The following KIF1B variants were observed in gnomAD, a reference collection of about 807,000 sequenced individuals.
KIF1B encodes kinesin family member 1B.
KIF1B carries 76 observed loss-of-function variants against 241.9 expected under a neutral mutation model. The ratio of observed to expected loss-of-function variants is 0.31; its 90% CI spans 0.26 to 0.38. KIF1B has a LOEUF of 0.38. Among genes scored for constraint, KIF1B ranks in the 10% least tolerant of loss-of-function variants. KIF1B has a pLI of 1.00. For missense variants in KIF1B, 1,622 were observed against 2,271.4 expected, an observed-to-expected ratio of 0.71 and a Z score of 5.81; for synonymous variants, 750 against 796.7, an observed-to-expected ratio of 0.94 and a Z score of 0.99.
intron 2 of KIF1B, among the ~76,000 whole-genome samples, chr1:10,240,104 GTATTGGCCAGGCTGGTCTTGA>G (rs1222370082): frequency 6.6e-6 from 1 of 152,054 alleles, no homozygotes; most frequent in African/African-American, 2.4e-5. Context: ...GGGTTTCCCC[GTATTGGCCAGGCTGGTCTTGA>G]ACTCCTGACC....
intron 1 of KIF1B, among the ~76,000 whole-genome samples, chr1:10,211,310 G>A (rs530674901): frequency 6.6e-6 from 1 of 152,254 alleles, no homozygotes; most frequent in African/African-American, 2.4e-5. Context: ...GGCTGGGAAT[G>A]TGGTTATGCC....
chr1:10,307,724 G>A (rs190384993), intron 22 of KIF1B: 1 of 1,029,056 alleles, frequency 9.7e-7, no homozygotes, highest in Non-Finnish European at 1.2e-6. Flanking sequence ...TATTATTATA[G>A]CAAAGTGGGA....
chr1:10,238,788 A>G (rs1168920705), intron 2 of KIF1B, among the ~76,000 whole-genome samples: 1 of 152,188 alleles, frequency 6.6e-6, no homozygotes, highest in Non-Finnish European at 1.5e-5. Context: ...TTTTTTTAGT[A>G]TAAATTACTA....
chr1:10,226,384 G>C (rs1646908998), intron 1 of KIF1B, among the ~76,000 whole-genome samples: 1 of 152,092 alleles, frequency 6.6e-6, no homozygotes, highest in African/African-American at 2.4e-5. Context: ...GGGGACATTA[G>C]GTATTAGAGA....
At chr1:10,327,792 A>C (rs1338153126) in intron 27 of KIF1B, among the ~76,000 whole-genome samples, 1 of 152,228 alleles carries the variant, frequency 6.6e-6, no homozygotes, top group Non-Finnish European at 1.5e-5. Context: ...GTACATTAGA[A>C]TCACATATTG....
chr1:10,257,710 C>G (rs1280005571), intron 3 of KIF1B, among the ~76,000 whole-genome samples: 1 of 152,100 alleles, frequency 6.6e-6, no homozygotes, highest in East Asian at 1.9e-4. Context: ...GAGTCTCGCT[C>G]TGTTGCCTAG....
At chr1:10,306,802 T>C (rs992054835) in intron 22 of KIF1B, 9 of 1,015,766 alleles carry the variant, frequency 8.9e-6, no homozygotes, top group African/African-American at 1.7e-5. Context: ...TTTATTATAT[T>C]ATTCAGGTTT....
intron 17 of KIF1B, among the ~76,000 whole-genome samples, chr1:10,293,651 C>T (rs546045165): frequency 4.6e-5 from 7 of 152,120 alleles, no homozygotes; most frequent in African/African-American, 1.2e-4. Flanking sequence ...TTCAGCCTCT[C>T]GAAGTGCTGG....
intron 2 of KIF1B, among the ~76,000 whole-genome samples, chr1:10,253,678 T>C (rs979977841): frequency 6.6e-6 from 1 of 152,176 alleles, no homozygotes; most frequent in African/African-American, 2.4e-5. Context: ...AAAGTACTTA[T>C]GGCTCAGAGT....
intron 22 of KIF1B, chr1:10,307,865 G>T: frequency 2.9e-6 from 3 of 1,046,472 alleles, no homozygotes; most frequent in Non-Finnish European, 3.5e-6. Flanking sequence ...ATTCTCTTTA[G>T]TAAGTGTAAA....
chr1:10,363,222 T>A (rs1638471712), intron 40 of KIF1B, 61 bp from the exon 41 acceptor site: 2 of 1,295,166 alleles, frequency 1.5e-6, no homozygotes, highest in Non-Finnish European at 1.1e-6. Context: ...TAGCAGAAAT[T>A]GAAATTTTCC....
chr1:10,316,618 A>G (rs1218675292), intron 22 of KIF1B, among the ~76,000 whole-genome samples: 1 of 151,206 alleles, frequency 6.6e-6, no homozygotes, highest in African/African-American at 2.5e-5. Flanking sequence ...CTCCTACCTC[A>G]GCCCCTCTAG....
At chr1:10,240,877 T>C (rs1647127401) in intron 2 of KIF1B, among the ~76,000 whole-genome samples, 1 of 152,032 alleles carries the variant, frequency 6.6e-6, no homozygotes, top group African/African-American at 2.4e-5. Flanking sequence ...ATTTCTTAAA[T>C]ATTCCTCAAG....
In KIF1B at chr1:10,272,415, A is replaced by G. The variant is rs756259169; in HGVS notation, c.864+109A>G. The G allele has an allele frequency of 1.4e-5, 11 of 782,704 alleles. No homozygotes were observed. In the African/African-American group the frequency reaches 1.5e-4, roughly 11 times the overall value. The allele number at this position is 782,704 out of a possible 1,614,324, so 48.5% of individuals were successfully genotyped here. A position where few individuals can be genotyped will look rare whatever the true frequency, so the allele number is the denominator to read the frequency against. On this transcript the variant is annotated intron_variant, in intron 9 of 48. Coordinates refer to ENST00000676179, the MANE Select transcript of KIF1B (RefSeq NM_001365951.3). The stretch of plus-strand genomic sequence containing the variant: ...TGTCTTTTTGTGGCCCTTTTCTGTA[A>G]TCTTGCCTTTCTCCTTTTAGAGCTT...
intron 2 of KIF1B, among the ~76,000 whole-genome samples, chr1:10,236,496 C>T (rs149787561): frequency 1.9e-3 from 296 of 152,292 alleles, no homozygotes; most frequent in Non-Finnish European, 3.7e-3. Context: ...AAACAGAAAT[C>T]CTCAGTAGGT....
At chr1:10,304,328 G>A (rs756231855) in intron 22 of KIF1B, 25 of 1,614,190 alleles carry the variant, frequency 1.5e-5, no homozygotes, top group South Asian at 6.6e-5. Flanking sequence ...CCTCAACTAC[G>A]TTGGAGAAGC....
At chr1:10,306,446 A>G (rs1650830556) in intron 22 of KIF1B, 2 of 996,924 alleles carry the variant, frequency 2.0e-6, no homozygotes, top group Non-Finnish European at 1.2e-6. Context: ...TTTATTTTCT[A>G]AGATTAAAAA....
At chr1:10,230,285 C>T (rs1286265406) in intron 1 of KIF1B, among the ~76,000 whole-genome samples, 1 of 152,082 alleles carries the variant, frequency 6.6e-6, no homozygotes, top group Non-Finnish European at 1.5e-5. Context: ...AAATATTGGT[C>T]AGATTTAAGT....
rs544497481 is a variant in KIF1B at position 10,309,725 on chromosome 1, G to C, written c.2116-10318G>C. Among the ~76,000 whole-genome samples, 28 of 151,488 alleles carry C rather than the reference G, an allele frequency of 1.8e-4. 5 individuals are homozygous for C. Among genetic ancestry groups the C allele is most frequent in the African/African-American group, 6.6e-4 (27 of 40,834 alleles). On this transcript the variant is annotated intron_variant, in intron 22 of 48. Coordinates refer to ENST00000676179, the MANE Select transcript of KIF1B (RefSeq NM_001365951.3). ...ACCCCTATAATCCAATGTCCACATA[G>C]CAACCAAGATCATCTTTTAAAAACA...
Sources: allele counts gnomAD v4.1 joint callset (sites outside exome capture counted in the v4.1 genomes callset), GRCh38; gene constraint gnomAD v4.1.1; transcripts MANE v1.5; gene names NCBI Gene and HGNC (gene_info 2026-07-23, HGNC 2026-07-21).